Variants in SV2B observed in about 807,000 individuals in gnomAD.
SV2B encodes solute carrier family 22 member B2.
A neutral mutation model predicts 73.9 loss-of-function variants in SV2B; 41 were observed. The ratio of observed to expected loss-of-function variants is 0.56; its 90% CI spans 0.43 to 0.72. The LOEUF is 0.72. SV2B is among the 30% of genes least tolerant of loss of function. SV2B has a pLI of 0.00. For synonymous variants in SV2B, 314 were observed against 314.2 expected (o/e 1.00, Z 0.01); for missense variants, 764 against 857.8 (o/e 0.89, Z 1.37).
At chr15:91,264,169 G>GT (rs1567409533) in intron 6 of SV2B, among the ~76,000 whole-genome samples, 1 of 152,218 alleles carries the variant, frequency 6.6e-6, no homozygotes, top group African/African-American at 2.4e-5. Context: ...TTAGCCAGGC[G>GT]TTTCCTAACT....
intron 1 of SV2B, among the ~76,000 whole-genome samples, chr15:91,215,948 T>G (rs1311257544): frequency 6.6e-6 from 1 of 152,344 alleles, no homozygotes; most frequent in East Asian, 1.9e-4. Context: ...AAGTATTTGT[T>G]TTTTTCTCCA....
At chr15:91,194,790 C>T (rs1321325330) in intron 1 of SV2B, among the ~76,000 whole-genome samples, 4 of 152,304 alleles carry the variant, frequency 2.6e-5, no homozygotes, top group African/African-American at 9.6e-5. Flanking sequence ...TGATGTCCCC[C>T]TCTGTGGAAG....
At chr15:91,276,505 A>G (rs938519808) in intron 9 of SV2B, among the ~76,000 whole-genome samples, 11 of 150,408 alleles carry the variant, frequency 7.3e-5, no homozygotes, top group African/African-American at 2.5e-4. Context: ...TTCTTCCCTT[A>G]TTTTTCTCTT....
In SV2B at chr15:91,123,322, C is replaced by T. The variant is rs942219465; in HGVS notation, c.-392+22959C>T. Among the ~76,000 whole-genome samples the T allele has an allele frequency of 5.9e-5, 9 of 152,158 alleles. No individual in the cohort carries two copies. The highest frequency in any genetic ancestry group is 2.2e-4 in the African/African-American group (9 of 41,434). The stretch of plus-strand genomic sequence containing the variant: ...GAGTAGATTTTGTGTTCTTATCATA[C>T]ACACATACACACACAAAAAGATAAG... On this transcript the variant is annotated intron_variant, in intron 1 of 12. Coordinates refer to ENST00000394232, the MANE Select transcript of SV2B (RefSeq NM_001323032.3). This position sits in a 1 kb window ranked among gnomAD's most constrained non-coding sequence, Gnocchi z 4.7.
At chr15:91,158,362 A>G (rs903557526) in intron 1 of SV2B, among the ~76,000 whole-genome samples, 9 of 152,090 alleles carry the variant, frequency 5.9e-5, no homozygotes, top group African/African-American at 2.2e-4. Context: ...GGGGGATTAC[A>G]AGGTGATGGG....
At chr15:91,164,154 C>A (rs184055531) in intron 1 of SV2B, among the ~76,000 whole-genome samples, 3 of 152,174 alleles carry the variant, frequency 2.0e-5, no homozygotes, top group Admixed American at 2.0e-4. Context: ...GAATCAATAT[C>A]GTGAAAATGG....
chr15:91,154,406 T>C (rs749876917), intron 1 of SV2B, among the ~76,000 whole-genome samples: 38 of 152,018 alleles, frequency 2.5e-4, no homozygotes, highest in Middle Eastern at 6.8e-3. Context: ...GATACTAAGA[T>C]TAAGTGACAG....
Position 91,284,872 on chromosome 15 carries a change from G to A in SV2B, c.1708+651G>A, listed in dbSNP as rs2048807357. Among the ~76,000 whole-genome samples the A allele has an allele frequency of 6.6e-6, 1 of 152,144 alleles. No homozygotes were observed. Among genetic ancestry groups the A allele is most frequent in the Admixed American group, 6.5e-5 (1 of 15,270 alleles). On this transcript the variant is annotated intron_variant, in intron 11 of 12. Transcript: ENST00000394232. This position sits in a 1 kb window ranked among gnomAD's most constrained non-coding sequence, Gnocchi z 4.5. ...TGTATGCCTTGCCTCATTCCATCGG[G>A]ACTTGCAGCAATTTATTACAGAAAC...
rs368440385 is a variant in SV2B at position 91,111,089 on chromosome 15, C to T, written c.-392+10726C>T. On this transcript the variant is annotated intron_variant, in intron 1 of 12. Coordinates refer to ENST00000394232, the MANE Select transcript of SV2B (RefSeq NM_001323032.3). ...CCACGTCTGTGGCAGAAAAGCTGTG[C>T]TGGGCTCCCACCCTCATATCACAGG... is the stretch of plus-strand genomic sequence containing the variant. 7.9e-5 allele frequency among the ~76,000 whole-genome samples: 12 copies of T among 152,124 alleles called. No individual in the cohort carries two copies. In the East Asian group the frequency reaches 1.4e-3, roughly 17 times the overall value.
At chr15:91,103,415 T>C (rs1002671036) in intron 1 of SV2B, among the ~76,000 whole-genome samples, 2 of 152,238 alleles carry the variant, frequency 1.3e-5, no homozygotes, top group Non-Finnish European at 2.9e-5. Context: ...TATTCTTTTT[T>C]CTTTGAGAAT....
At chr15:91,225,572 TGTGCACAAC>T (rs1274901587) in intron 1 of SV2B, among the ~76,000 whole-genome samples, 3 of 152,198 alleles carry the variant, frequency 2.0e-5, no homozygotes, top group Non-Finnish European at 2.9e-5. Context: ...CTAGGGTACA[TGTGCACAAC>T]GTGCAGGTTC....
rs553343170 is a variant in SV2B at position 91,167,830 on chromosome 15, G to C, written c.-391-58043G>C. 3.3e-4 allele frequency among the ~76,000 whole-genome samples: 51 copies of C among 152,292 alleles called. 2 individuals carry two copies. In the South Asian group the frequency reaches 0.01, roughly 30 times the overall value. On this transcript the variant is annotated intron_variant, in intron 1 of 12. Transcript: ENST00000394232. ...TGATTATTATGTTACAAGAATCTAA[G>C]TTCTGTTAAAATCCTATGAAGAATG...
chr15:91,257,784 G>A (rs532999445), intron 4 of SV2B, among the ~76,000 whole-genome samples: 2 of 152,250 alleles, frequency 1.3e-5, no homozygotes, highest in African/African-American at 4.8e-5. Flanking sequence ...CTGAGGCCTT[G>A]ACCCCCATCC....
chr15:91,208,332 G>T (rs2045721345), intron 1 of SV2B, among the ~76,000 whole-genome samples: 1 of 151,948 alleles, frequency 6.6e-6, no homozygotes, highest in Non-Finnish European at 1.5e-5. Flanking sequence ...TATCTCTCGG[G>T]GAATCATTGC....
Position 91,223,612 on chromosome 15 carries a change from G to T in SV2B, c.-391-2261G>T, listed in dbSNP as rs779180211. On this transcript the variant is annotated intron_variant, in intron 1 of 12. Coordinates refer to ENST00000394232, the MANE Select transcript of SV2B (RefSeq NM_001323032.3). This position sits in a 1 kb window ranked among gnomAD's most constrained non-coding sequence, Gnocchi z 4.6. The stretch of plus-strand genomic sequence containing the variant: ...ACACACCAGATCTCAGTCAGGTGGC[G>T]TTCTTTCCATGTTTTTATAGCGCTC... 1.3e-5 allele frequency among the ~76,000 whole-genome samples: 2 copies of T among 152,140 alleles called. No individual in the cohort carries two copies. The highest frequency in any genetic ancestry group is 2.9e-5 in the Non-Finnish European group (2 of 68,030).
chr15:91,231,133 G>A lies in SV2B; in HGVS notation c.451+4419G>A, dbSNP rs1371396143. On this transcript the variant is annotated intron_variant, in intron 2 of 12. Transcript: ENST00000394232. The surrounding 1 kb of genome is among the most constrained non-coding windows in gnomAD (Gnocchi z 4.5). The stretch of plus-strand genomic sequence containing the variant: ...TGGGTATGTAAAAAAAAAATCACCC[G>A]AAGAAATGATTAAACTTAGGAAGCT... 2.6e-5 allele frequency among the ~76,000 whole-genome samples: 4 copies of A among 152,104 alleles called. No individual in the cohort carries two copies. Among genetic ancestry groups the A allele is most frequent in the African/African-American group, 7.2e-5 (3 of 41,410 alleles).
At position 91,258,112 on chromosome 15, in the gene SV2B, G is replaced by A. The variant is rs771002825; in HGVS notation, c.785-309G>A. On this transcript the variant is annotated intron_variant, in intron 4 of 12. Coordinates refer to ENST00000394232, the MANE Select transcript of SV2B (RefSeq NM_001323032.3). This position sits in a 1 kb window ranked among gnomAD's most constrained non-coding sequence, Gnocchi z 4.7. ...ATTGTTTCTGTTTGTACTCTTATCC[G>A]AGGCTCTGTAAATGTCAGGCCAGGC... Among the ~76,000 whole-genome samples, 2 of 152,156 alleles carry A rather than the reference G, an allele frequency of 1.3e-5. No homozygotes were observed. Among genetic ancestry groups the A allele is most frequent in the Non-Finnish European group, 2.9e-5 (2 of 68,030 alleles).
At position 91,223,887 on chromosome 15, in the gene SV2B, G is replaced by T. The variant is rs894679974; in HGVS notation, c.-391-1986G>T. Among the ~76,000 whole-genome samples the T allele has an allele frequency of 2.6e-5, 4 of 152,218 alleles. No homozygotes were observed. The highest frequency in any genetic ancestry group is 9.6e-5 in the African/African-American group (4 of 41,454). On this transcript the variant is annotated intron_variant, in intron 1 of 12. Coordinates refer to ENST00000394232, the MANE Select transcript of SV2B (RefSeq NM_001323032.3). The surrounding 1 kb of genome is among the most constrained non-coding windows in gnomAD (Gnocchi z 4.6). Reference sequence around the variant, plus strand: ...GTCCTGGATTCCGTGTGTTATTTGTGGAAAATGCAGATTGCAGGGCCCTGC... The same window carrying T: ...GTCCTGGATTCCGTGTGTTATTTGTTGAAAATGCAGATTGCAGGGCCCTGC...
Position 91,296,260 on chromosome 15 carries a change from G to T in SV2B, c.*3708G>T, listed in dbSNP as rs1286452935. ...AAAGGTGTCTCCACTTCCACATCTGGCTTTTCTAGGGGGCATCTGTGCTAA... is the reference window on the plus strand; with the variant it reads ...AAAGGTGTCTCCACTTCCACATCTGTCTTTTCTAGGGGGCATCTGTGCTAA... On this transcript the variant is annotated 3_prime_UTR_variant, in exon 13 of 13. Coordinates refer to ENST00000394232, the MANE Select transcript of SV2B (RefSeq NM_001323032.3). The T allele has an allele frequency of 6.6e-6, 1 of 152,224 alleles. No homozygotes were observed. The highest frequency in any genetic ancestry group is 6.5e-5 in the Admixed American group (1 of 15,282). 9.4% of individuals were successfully genotyped at this position (152,224 alleles called of 1,614,324 possible).
Sources: allele counts gnomAD v4.1 joint callset (sites outside exome capture counted in the v4.1 genomes callset), GRCh38; gene constraint gnomAD v4.1.1; non-coding constraint Gnocchi (gnomAD v3.1); transcripts MANE v1.5; gene names NCBI Gene and HGNC (gene_info 2026-07-23, HGNC 2026-07-21).